The following MAP7 variants were observed in gnomAD, a reference collection of about 807,000 sequenced individuals.
MAP7 encodes microtubule associated protein 7.
In MAP7, 52 loss-of-function variants were observed where a neutral mutation model predicts 94.8. The observed-to-expected ratio is 0.55, with a 90% CI of 0.44 to 0.69. The LOEUF (loss-of-function observed/expected upper bound fraction) is 0.69, where lower values mean the gene tolerates loss of function less well. Among genes scored for constraint, MAP7 ranks in the 30% least tolerant of loss-of-function variants. MAP7 has a pLI of 0.00. For missense variants in MAP7, 940 were observed against 964.6 expected, an observed-to-expected ratio of 0.97 and a Z score of 0.34; for synonymous variants, 350 against 357.0, an observed-to-expected ratio of 0.98 and a Z score of 0.22.
chr6:136,456,820 A>AAGAAGAAGAAGAAGG (rs1562422350), intron 1 of MAP7, among the ~76,000 whole-genome samples: 2 of 87,246 alleles, frequency 2.3e-5, no homozygotes, highest in Non-Finnish European at 4.6e-5. Flanking sequence ...GAAGAAGAAG[A>AAGAAGAAGAAGAAGG]AGGAAGAAGA....
Position 136,421,819 on chromosome 6 carries a change from G to C in MAP7, c.68-20C>G. The stretch of plus-strand genomic sequence containing the variant: ...CGGGTGCTACAGAAATGAGACAAAA[G>C]AGAAAAGACACATTTAGTTTCTTAA... On this transcript the variant is annotated intron_variant, in intron 1 of 17. Transcript: ENST00000354570. The C allele has an allele frequency of 6.4e-7, 1 of 1,561,318 alleles. No individual in the cohort carries two copies. Among genetic ancestry groups the C allele is most frequent in the Non-Finnish European group, 8.7e-7 (1 of 1,150,290 alleles).
intron 1 of MAP7, among the ~76,000 whole-genome samples, chr6:136,454,271 T>TTATC (rs1802056818): frequency 3.7e-5 from 4 of 108,958 alleles, no homozygotes; most frequent in African/African-American, 1.5e-4. Flanking sequence ...CCTACCTAAA[T>TTATC]GATCTATCTA....
chr6:136,378,247 C>A (rs1247609049), intron 6 of MAP7, among the ~76,000 whole-genome samples: 1 of 152,112 alleles, frequency 6.6e-6, no homozygotes, highest in Admixed American at 6.5e-5. Context: ...AGACTGATGG[C>A]ACATACCTTA....
chr6:136,438,517 A>G (rs1036333250), intron 1 of MAP7, among the ~76,000 whole-genome samples: 3 of 151,818 alleles, frequency 2.0e-5, no homozygotes, highest in African/African-American at 7.3e-5. Flanking sequence ...TTTTTCTCTC[A>G]CTTGTTTTTT....
At chr6:136,526,112 C>T in intron 1 of MAP7, 1 of 1,352,518 alleles carries the variant, frequency 7.4e-7, no homozygotes, top group Non-Finnish European at 9.5e-7. Context: ...AAACAGTTTG[C>T]AAACAGCTGA....
intron 1 of MAP7, among the ~76,000 whole-genome samples, chr6:136,496,534 T>G (rs1818271791): frequency 6.6e-6 from 1 of 152,058 alleles, no homozygotes. Flanking sequence ...ACATATATAC[T>G]TACCAGTACT....
rs1041531516 is a variant in MAP7 at position 136,484,541 on chromosome 6, A to G, written c.68-62742T>C. ...TAGAATTCCTCGGCTTTCTTCACCAATATCTTGCACAACAGAATTTAGGGT... is the reference window on the plus strand; with the variant it reads ...TAGAATTCCTCGGCTTTCTTCACCAGTATCTTGCACAACAGAATTTAGGGT... On this transcript the variant is annotated intron_variant, in intron 1 of 17. Coordinates refer to ENST00000354570, the MANE Select transcript of MAP7 (RefSeq NM_003980.6). Among the ~76,000 whole-genome samples, 4 of 152,220 alleles carry G rather than the reference A, an allele frequency of 2.6e-5. No homozygotes were observed. In the East Asian group the frequency reaches 7.7e-4, roughly 29 times the overall value.
intron 9 of MAP7, 98 bp downstream of exon 9, chr6:136,366,229 A>T: frequency 8.6e-7 from 1 of 1,161,474 alleles, no homozygotes. Flanking sequence ...CCCTAAGTCA[A>T]AGCCAAACAG....
At chr6:136,425,244 A>G (rs1792803208) in intron 1 of MAP7, among the ~76,000 whole-genome samples, 2 of 152,318 alleles carry the variant, frequency 1.3e-5, no homozygotes, top group Admixed American at 6.5e-5. Context: ...ATATTTTTGG[A>G]CTACAACTGA....
intron 1 of MAP7, among the ~76,000 whole-genome samples, chr6:136,526,984 C>T (rs1216144012): frequency 6.6e-6 from 1 of 152,150 alleles, no homozygotes; most frequent in African/African-American, 2.4e-5. Flanking sequence ...GAGATCACAA[C>T]GTGGAGTGTC....
chr6:136,360,002 C>T lies in MAP7; in HGVS notation c.1833G>A (p.Arg611=). ...ATACCTTATCTGTAGCTTCTGTTCT[C>T]CTGGTTCTTTTCATAATCTCCTCAA... ...KRLEEIMKRT[R]RTEATDKKTS... The change falls in exon 14 of 18, where the codon AGG becomes AGA. Residue 611 remains arginine, a synonymous_variant. Transcript: ENST00000354570. 1 of 1,613,416 alleles carries T rather than the reference C, an allele frequency of 6.2e-7. No individual in the cohort carries two copies. The highest frequency in any genetic ancestry group is 8.5e-7 in the Non-Finnish European group (1 of 1,179,846).
chr6:136,433,238 T>C (rs1477444180), intron 1 of MAP7, among the ~76,000 whole-genome samples: 1 of 152,264 alleles, frequency 6.6e-6, no homozygotes. Context: ...TTTAGTCTAC[T>C]TTTCAAGTTC....
At chr6:136,440,070 A>G (rs947618822) in intron 1 of MAP7, among the ~76,000 whole-genome samples, 2 of 152,192 alleles carry the variant, frequency 1.3e-5, no homozygotes, top group South Asian at 4.1e-4. Flanking sequence ...AGGCCAAAGC[A>G]CCATAGCTGT....
At chr6:136,514,731 TAGTC>T (rs1433501789) in intron 1 of MAP7, among the ~76,000 whole-genome samples, 1 of 152,038 alleles carries the variant, frequency 6.6e-6, no homozygotes, top group African/African-American at 2.4e-5. Context: ...GGGCTTAAAA[TAGTC>T]AGTACACCAT....
chr6:136,346,120 T>G (rs1348152481), intron 16 of MAP7, 41 bp from the exon 17 acceptor site: 1 of 1,286,544 alleles, frequency 7.8e-7, no homozygotes. Context: ...AAGTTAGTCT[T>G]AAAACTGGAA....
chr6:136,390,655 AAAAC>A (rs912198469), intron 3 of MAP7, among the ~76,000 whole-genome samples: 11 of 152,322 alleles, frequency 7.2e-5, no homozygotes, highest in South Asian at 2.1e-4. Context: ...CTCTGTCTCA[AAAAC>A]AAACAAACAA....
chr6:136,427,268 G>C (rs58365050), intron 1 of MAP7, among the ~76,000 whole-genome samples: 1,557 of 152,370 alleles, frequency 0.01, 21 homozygotes, highest in East Asian at 0.039. Context: ...GCAGCTGGCA[G>C]GCCAGATAAG....
intron 2 of MAP7, among the ~76,000 whole-genome samples, chr6:136,418,132 A>T (rs1562377813): frequency 6.6e-6 from 1 of 152,208 alleles, no homozygotes; most frequent in Non-Finnish European, 1.5e-5. Context: ...ATTTGAGAGC[A>T]ATGGTCGTTC....
intron 1 of MAP7, among the ~76,000 whole-genome samples, chr6:136,477,502 G>A (rs1055913253): frequency 4.6e-5 from 7 of 152,048 alleles, no homozygotes; most frequent in African/African-American, 1.7e-4. Context: ...CCCAAAAGAG[G>A]AGTAACTAAA....
Sources: gnomAD v4.1 joint callset for allele counts (sites outside exome capture counted in the v4.1 genomes callset) on GRCh38, gnomAD v4.1.1 for gene constraint, MANE v1.5 for transcripts, NCBI Gene and HGNC (gene_info 2026-07-23, HGNC 2026-07-21) for gene names.